IL1RAPL1: variants seen among roughly 807,000 people sequenced by gnomAD.
IL1RAPL1 encodes the protein interleukin 1 receptor accessory protein like 1.
Under a neutral mutation model 48.4 loss-of-function variants are expected in IL1RAPL1, and 3 were observed. The observed-to-expected ratio is 0.06, with a 90% CI of 0.03 to 0.16. The LOEUF is 0.16. IL1RAPL1 is among the 10% of genes least tolerant of loss of function. The pLI, the probability that IL1RAPL1 is intolerant of heterozygous loss-of-function variation, is 1.00. For synonymous variants in IL1RAPL1, 185 were observed against 187.7 expected (o/e 0.99, Z 0.12); for missense variants, 349 against 530.6 (o/e 0.66, Z 3.36).
intron 2 of IL1RAPL1, among the ~76,000 whole-genome samples, chrX:29,189,801 G>T (rs1455029478): frequency 9.0e-6 from 1 of 111,629 alleles, no homozygotes; most frequent in Non-Finnish European, 1.9e-5. Flanking sequence ...TATCAGATCT[G>T]TATATCAGGA....
chrX:29,581,640 T>C (rs1922964787), intron 5 of IL1RAPL1, among the ~76,000 whole-genome samples: 1 of 111,971 alleles, frequency 8.9e-6, no homozygotes, highest in Admixed American at 9.5e-5. Context: ...TGGTATCCTG[T>C]AATGGACACT....
At chrX:29,835,945 A>G (rs73456449) in intron 6 of IL1RAPL1, among the ~76,000 whole-genome samples, 84 of 102,111 alleles carry the variant, frequency 8.2e-4, no homozygotes, top group African/African-American at 3.0e-3. Context: ...TTCTCTTATC[A>G]AAATAGCCAG....
At chrX:29,673,027 TTAAAA>T (rs1400015265) in intron 6 of IL1RAPL1, among the ~76,000 whole-genome samples, 2 of 111,953 alleles carry the variant, frequency 1.8e-5, no homozygotes, top group East Asian at 2.8e-4. Context: ...TATAGGCTAC[TTAAAA>T]TAAAATGTCA....
intron 1 of IL1RAPL1, among the ~76,000 whole-genome samples, chrX:28,662,080 T>A (rs1468397077): frequency 2.7e-5 from 3 of 111,416 alleles, no homozygotes; most frequent in African/African-American, 9.8e-5. Flanking sequence ...GTTAACCTTT[T>A]TTTTTTAGAT....
chrX:28,969,004 A>T (rs1924990378), intron 2 of IL1RAPL1, among the ~76,000 whole-genome samples: 1 of 112,444 alleles, frequency 8.9e-6, no homozygotes, highest in African/African-American at 3.2e-5. Context: ...TCTATAGTAA[A>T]AGCTGTCTAT....
At chrX:29,430,237 T>A (rs1934404121) in intron 5 of IL1RAPL1, among the ~76,000 whole-genome samples, 1 of 111,298 alleles carries the variant, frequency 9.0e-6, no homozygotes, top group Non-Finnish European at 1.9e-5. Flanking sequence ...GTCCCCTTAC[T>A]ACCCATATCC....
chrX:29,285,375 A>G (rs937610665), intron 3 of IL1RAPL1, among the ~76,000 whole-genome samples: 3 of 107,828 alleles, frequency 2.8e-5, no homozygotes, highest in African/African-American at 1.0e-4. Flanking sequence ...TCTCCTAAAA[A>G]TACAAAATTA....
At chrX:29,027,492 A>C (rs67537863) in intron 2 of IL1RAPL1, among the ~76,000 whole-genome samples, 1 of 111,935 alleles carries the variant, frequency 8.9e-6, no homozygotes, top group Non-Finnish European at 1.9e-5. Flanking sequence ...TAAAGATACA[A>C]TCAACATCCA....
chrX:28,890,233 C>T (rs1037719763), intron 2 of IL1RAPL1, among the ~76,000 whole-genome samples: 1 of 111,444 alleles, frequency 9.0e-6, no homozygotes, highest in African/African-American at 3.3e-5. Flanking sequence ...ACTTGAAAAG[C>T]TCAGGCATTT....
At chrX:29,465,254 A>C (rs992872360) in intron 5 of IL1RAPL1, among the ~76,000 whole-genome samples, 2 of 110,023 alleles carry the variant, frequency 1.8e-5, no homozygotes, top group Non-Finnish European at 3.8e-5. Context: ...AAAAATACAA[A>C]AATCAGCCAG....
At position 28,692,088 on chromosome X, in the gene IL1RAPL1, C is replaced by G. The variant is rs1347407428; in HGVS notation, c.-24-97232C>G. Among the ~76,000 whole-genome samples the G allele has an allele frequency of 4.5e-5, 5 of 110,541 alleles. No homozygotes were observed. The Admixed American group carries it at 4.8e-4, about 11-fold the overall frequency. ...AGACAGACAGGGGGAAGGAGCGAGG[C>G]TCTTTTTAAAAACCCCCTTTTTTCT... On this transcript the variant is annotated intron_variant, in intron 1 of 10. Coordinates refer to ENST00000378993, the MANE Select transcript of IL1RAPL1 (RefSeq NM_014271.4).
chrX:28,818,340 G>T (rs771738517), intron 2 of IL1RAPL1, among the ~76,000 whole-genome samples: 1 of 110,474 alleles, frequency 9.1e-6, no homozygotes, highest in Non-Finnish European at 1.9e-5. Context: ...GAAATGGTAG[G>T]TGACCTTGAA....
Position 29,811,221 on chromosome X carries a change from T to C in IL1RAPL1, c.779-106243T>C, listed in dbSNP as rs1286490664. 2.7e-5 allele frequency among the ~76,000 whole-genome samples: 3 copies of C among 110,576 alleles called. No homozygotes were observed. The East Asian group carries it at 8.5e-4, about 31-fold the overall frequency. ...AGAAGGGTGGATATATTAGCAGAGT[T>C]CTCTAGAGGGACAGAACTAATAGGA... On this transcript the variant is annotated intron_variant, in intron 6 of 10. Coordinates refer to ENST00000378993, the MANE Select transcript of IL1RAPL1 (RefSeq NM_014271.4).
intron 1 of IL1RAPL1, among the ~76,000 whole-genome samples, chrX:28,760,929 T>A (rs1936163464): frequency 9.1e-6 from 1 of 109,333 alleles, no homozygotes; most frequent in Non-Finnish European, 1.9e-5. Flanking sequence ...CTACTAAAAA[T>A]ACAAACATTA....
intron 6 of IL1RAPL1, among the ~76,000 whole-genome samples, chrX:29,791,257 C>T (rs1241495530): frequency 1.8e-5 from 2 of 110,920 alleles, no homozygotes; most frequent in African/African-American, 3.3e-5. Flanking sequence ...GAGCTCCTAT[C>T]TGACTCAGTG....
At chrX:28,687,071 G>A (rs1935118773) in intron 1 of IL1RAPL1, among the ~76,000 whole-genome samples, 1 of 111,526 alleles carries the variant, frequency 9.0e-6, no homozygotes, top group South Asian at 3.7e-4. Flanking sequence ...TTTTATAGTG[G>A]TGTATTTCAA....
intron 2 of IL1RAPL1, among the ~76,000 whole-genome samples, chrX:29,103,397 G>A (rs1022434382): frequency 8.9e-6 from 1 of 111,741 alleles, no homozygotes; most frequent in African/African-American, 3.3e-5. Flanking sequence ...AATAAGTGGT[G>A]GTGGGCAAAC....
chrX:29,334,618 C>T (rs1374105197), intron 3 of IL1RAPL1, among the ~76,000 whole-genome samples: 3 of 109,980 alleles, frequency 2.7e-5, no homozygotes, highest in East Asian at 5.9e-4. Context: ...CGGGCAGAGA[C>T]GCTCCTCACC....
intron 1 of IL1RAPL1, among the ~76,000 whole-genome samples, chrX:28,612,226 A>G (rs1569138097): frequency 9.0e-6 from 1 of 111,540 alleles, no homozygotes; most frequent in African/African-American, 3.3e-5. Context: ...AATACACCCT[A>G]CTTATATGTA....
Sources: allele counts gnomAD v4.1 joint callset (sites outside exome capture counted in the v4.1 genomes callset), GRCh38; gene constraint gnomAD v4.1.1; transcripts MANE v1.5; gene names NCBI Gene and HGNC (gene_info 2026-07-23, HGNC 2026-07-21).